Variants in CSF2RA observed in about 807,000 individuals in gnomAD.
CSF2RA encodes colony stimulating factor 2 receptor subunit alpha.
A neutral mutation model predicts 51.6 loss-of-function variants in CSF2RA; 42 were observed. That is an observed-to-expected ratio of 0.81 (90% CI 0.64 to 1.05). The LOEUF (loss-of-function observed/expected upper bound fraction) is 1.05. Ranked by LOEUF, CSF2RA falls within the 50% of genes least tolerant of loss-of-function variation. CSF2RA has a pLI of 0.00. For missense variants in CSF2RA, 530 were observed against 501.1 expected, an observed-to-expected ratio of 1.06 and a Z score of -0.55; for synonymous variants, 222 against 193.0, an observed-to-expected ratio of 1.15 and a Z score of -1.24.
downstream of CSF2RA, among the ~76,000 whole-genome samples, chrX:1,314,851 C>CACACTGAACCTGCTCAACCG (rs2084463118): frequency 3.6e-5 from 3 of 84,384 alleles, no homozygotes; most frequent in African/African-American, 1.6e-4. Context: ...CTGCCCAATC[C>CACACTGAACCTGCTCAACCG]CACTGCACCT....
rs774098686 is a variant in CSF2RA at position 1,281,252 on chromosome X, CCTT to C, written c.-26-1420_-26-1418del. ...TTCTCCTACTCCTCCTTCTCCTCTT[CCTT>C]CTTCTCCTCCTCCTGCTCCTTCTCC... On this transcript the variant is annotated intron_variant, in intron 2 of 12. Coordinates refer to ENST00000381529, the MANE Select transcript of CSF2RA (RefSeq NM_172245.4). Among the ~76,000 whole-genome samples the C allele has an allele frequency of 1.3e-3, 168 of 133,734 alleles. 1 individual carries two copies. The highest frequency in any genetic ancestry group is 4.6e-3 in the African/African-American group (161 of 35,248). 87.7% of individuals were successfully genotyped at this position (133,734 alleles called of 152,430 possible). A position where few individuals can be genotyped will look rare whatever the true frequency, so the allele number is the denominator to read the frequency against.
chrX:1,306,956 A>G (rs1225265068), intron 12 of CSF2RA, among the ~76,000 whole-genome samples: 3 of 151,526 alleles, frequency 2.0e-5, no homozygotes, highest in African/African-American at 7.3e-5. Context: ...GGAGGCAGAT[A>G]AAAGACACAC....
rs768201204 is a variant in CSF2RA at position 1,309,662 on chromosome X, G to A, written c.*183G>A. 84 of 1,385,720 alleles carry A rather than the reference G, an allele frequency of 6.1e-5. 1 individual carries two copies. The East Asian group carries it at 1.5e-3, about 25-fold the overall frequency. The allele number at this position is 1,385,720 out of a possible 1,614,324, so 85.8% of individuals were successfully genotyped here. ...AGCACTTTGGGAGGCCAAGGCAGGC[G>A]GATCACCTGAGGTCAGGAGTTCAAG... On this transcript the variant is annotated 3_prime_UTR_variant, in exon 13 of 13. Transcript: ENST00000381529.
At chrX:1,280,886 T>TCTC (rs1228252614) in intron 2 of CSF2RA, among the ~76,000 whole-genome samples, 10 of 65,210 alleles carry the variant, frequency 1.5e-4, no homozygotes, top group African/African-American at 3.2e-4. Flanking sequence ...TCCTGCTCCT[T>TCTC]CTCCTCCTCC....
intron 2 of CSF2RA, among the ~76,000 whole-genome samples, chrX:1,279,075 G>A (rs758838032): frequency 4.7e-4 from 70 of 150,058 alleles, no homozygotes; most frequent in Admixed American, 3.6e-3. Flanking sequence ...AAGGCCGTAC[G>A]TACAGTGGCT....
At chrX:1,318,566 C>G in the CSF2RA span, among the ~76,000 whole-genome samples, 1 of 151,984 alleles carries the variant, frequency 6.6e-6, no homozygotes, top group Non-Finnish European at 1.5e-5. Context: ...GCCGATAGCC[C>G]CTCCTGAGAG....
At chrX:1,269,492 A>G (rs181724288) in intron 1 of CSF2RA, among the ~76,000 whole-genome samples, 9,262 of 151,932 alleles carry the variant, frequency 0.061, 385 homozygotes, top group Non-Finnish European at 0.092. Flanking sequence ...TGGTGGTGGC[A>G]GGCACCTGTA....
intron 7 of CSF2RA, 23 bp downstream of exon 7, chrX:1,290,532 T>G (rs2091303465): frequency 6.2e-7 from 1 of 1,609,748 alleles, no homozygotes; most frequent in Non-Finnish European, 8.5e-7. Context: ...CATATGATTT[T>G]CCTATTGTTT....
the CSF2RA span, among the ~76,000 whole-genome samples, chrX:1,317,340 C>T: frequency 7.3e-6 from 1 of 136,802 alleles, no homozygotes; most frequent in African/African-American, 2.8e-5. Context: ...CAACCTCCGC[C>T]TCCCGGGTTC....
chrX:1,270,504 G>T (rs1379014059), intron 1 of CSF2RA, among the ~76,000 whole-genome samples: 1 of 151,970 alleles, frequency 6.6e-6, no homozygotes, highest in East Asian at 1.9e-4. Flanking sequence ...CTCCCAAAGT[G>T]GTGGGATGAC....
At chrX:1,314,530 A>ACT, downstream of CSF2RA, among the ~76,000 whole-genome samples, 1 of 120,510 alleles carries the variant, frequency 8.3e-6, no homozygotes, top group East Asian at 2.7e-4. Flanking sequence ...GCCCAATCCC[A>ACT]CTGCACCTGC....
chrX:1,281,556 T>C (rs1208644288), intron 2 of CSF2RA, among the ~76,000 whole-genome samples: 2 of 151,802 alleles, frequency 1.3e-5, no homozygotes, highest in African/African-American at 4.8e-5. Flanking sequence ...GCACCTTTCC[T>C]CCTCCTCCTT....
intron 2 of CSF2RA, among the ~76,000 whole-genome samples, chrX:1,275,760 G>A (rs1365093161): frequency 5.9e-5 from 9 of 151,460 alleles, no homozygotes; most frequent in South Asian, 4.2e-4. Context: ...GGGTTTCACC[G>A]TGTTAGCCAG....
Position 1,309,648 on chromosome X carries a change from A to G in CSF2RA, c.*169A>G, listed in dbSNP as rs1325655248. On this transcript the variant is annotated 3_prime_UTR_variant, in exon 13 of 13. Transcript: ENST00000381529. ...ACGCCTGTAATCCCAGCACTTTGGG[A>G]GGCCAAGGCAGGCGGATCACCTGAG... The G allele has an allele frequency of 1.3e-6, 2 of 1,487,894 alleles. No homozygotes were observed. The highest frequency in any genetic ancestry group is 2.8e-5 in the African/African-American group (2 of 72,142). The allele number at this position is 1,487,894 out of a possible 1,614,324, so 92.2% of individuals were successfully genotyped here.
downstream of CSF2RA, among the ~76,000 whole-genome samples, chrX:1,314,262 C>CACTGCACTTGCCCAATTG (rs1569514701): frequency 4.6e-4 from 11 of 23,676 alleles, no homozygotes; most frequent in Admixed American, 3.3e-3. Context: ...CTGCCCAACC[C>CACTGCACTTGCCCAATTG]CACTGCGCCT....
chrX:1,285,042 C>T (rs1201598392), intron 3 of CSF2RA, among the ~76,000 whole-genome samples: 1 of 151,152 alleles, frequency 6.6e-6, no homozygotes, highest in Admixed American at 6.6e-5. Context: ...TGCACCATCA[C>T]ACCTGCCTAA....
At chrX:1,282,857 C>T (rs2090202945) in intron 3 of CSF2RA, 78 bp downstream of exon 3, 9 of 1,173,022 alleles carry the variant, frequency 7.7e-6, no homozygotes, top group African/African-American at 1.5e-5. Flanking sequence ...ATCTGGATAC[C>T]TGGGTCCATC....
intron 6 of CSF2RA, chrX:1,289,094 T>A (rs1202379786): frequency 6.2e-6 from 4 of 643,648 alleles, no homozygotes; most frequent in Non-Finnish European, 1.1e-5. Flanking sequence ...CCCAGGTAGC[T>A]GGGATTACAG....
At chrX:1,270,990 G>A (rs1212016470) in intron 1 of CSF2RA, among the ~76,000 whole-genome samples, 6 of 150,994 alleles carry the variant, frequency 4.0e-5, no homozygotes, top group Non-Finnish European at 7.4e-5. Context: ...AGACCAGCCC[G>A]GGGCAACATC....
Sources: gnomAD v4.1 joint callset for allele counts (sites outside exome capture counted in the v4.1 genomes callset) on GRCh38, gnomAD v4.1.1 for gene constraint, MANE v1.5 for transcripts, NCBI Gene and HGNC (gene_info 2026-07-23, HGNC 2026-07-21) for gene names.